PRKAG2: variants seen among roughly 807,000 people sequenced by gnomAD.
PRKAG2 encodes the protein 5'-AMP-activated protein kinase subunit gamma-2.
Under a neutral mutation model 69.6 loss-of-function variants are expected in PRKAG2, and 26 were observed. The observed-to-expected ratio is 0.37, with a 90% CI of 0.27 to 0.52. The LOEUF (loss-of-function observed/expected upper bound fraction) is 0.52. PRKAG2 is among the 20% of genes least tolerant of loss of function. PRKAG2 has a pLI of 0.90. For synonymous variants in PRKAG2, 293 were observed against 285.0 expected (o/e 1.03, Z -0.28); for missense variants, 557 against 740.0 (o/e 0.75, Z 2.87).
intron 1 of PRKAG2, among the ~76,000 whole-genome samples, chr7:151,823,038 C>CACCCT (rs2078826963): frequency 6.6e-6 from 1 of 151,350 alleles, no homozygotes; most frequent in Non-Finnish European, 1.5e-5. Context: ...CACCCCACCC[C>CACCCT]ACCCCACAGC....
chr7:151,595,749 A>G (rs1814333188), intron 5 of PRKAG2, among the ~76,000 whole-genome samples: 1 of 152,260 alleles, frequency 6.6e-6, no homozygotes, highest in South Asian at 2.1e-4. Flanking sequence ...AGGAAATACC[A>G]AAGAATCTAG....
At chr7:151,602,243 T>C (rs1334433583) in intron 5 of PRKAG2, among the ~76,000 whole-genome samples, 2 of 152,216 alleles carry the variant, frequency 1.3e-5, no homozygotes, top group African/African-American at 4.8e-5. Context: ...CTGCCAAATC[T>C]AACATCCTAA....
intron 5 of PRKAG2, among the ~76,000 whole-genome samples, chr7:151,600,651 C>T (rs1185668811): frequency 6.6e-6 from 1 of 152,220 alleles, no homozygotes. Context: ...TTCTCCGCAG[C>T]CTTATTTCCC....
intron 1 of PRKAG2, among the ~76,000 whole-genome samples, chr7:151,865,786 A>G (rs192760025): frequency 0.025 from 3,792 of 152,284 alleles, 63 homozygotes; most frequent in African/African-American, 0.031. Context: ...TTGGGAGGCC[A>G]AGGCGGGCGG....
At chr7:151,627,833 T>C (rs1823380085) in intron 5 of PRKAG2, among the ~76,000 whole-genome samples, 1 of 152,148 alleles carries the variant, frequency 6.6e-6, no homozygotes, top group Non-Finnish European at 1.5e-5. Context: ...TAGCTAATTT[T>C]TAAAATTTTT....
intron 6 of PRKAG2, among the ~76,000 whole-genome samples, chr7:151,579,560 CG>C (rs1446115812): frequency 1.3e-5 from 2 of 152,056 alleles, no homozygotes; most frequent in African/African-American, 2.4e-5. Context: ...TGCATCAACA[CG>C]GGGTGGATTC....
rs1327288387 is a variant in PRKAG2 at position 151,614,364 on chromosome 7, C to T, written c.754+17705G>A. ...AGGCCATGGGGTCGGTTACGTTGGG[C>T]GCTTGGCATGTGCTCTGTACTACTT... is the stretch of plus-strand genomic sequence containing the variant. On this transcript the variant is annotated intron_variant, in intron 5 of 15. Transcript: ENST00000287878. The surrounding 1 kb of genome is among the most constrained non-coding windows in gnomAD (Gnocchi z 4.4). 1.3e-5 allele frequency among the ~76,000 whole-genome samples: 2 copies of T among 152,062 alleles called. No individual in the cohort carries two copies. The highest frequency in any genetic ancestry group is 1.9e-4 in the East Asian group (1 of 5,156).
rs1014730644 is a variant in PRKAG2, at chr7:151,876,733, C to T, written c.-113G>A. On this transcript the variant is annotated 5_prime_UTR_variant, in exon 1 of 16. Transcript: ENST00000287878. Reference sequence around the variant, plus strand: ...CGCGCGCTCTGTTACACCCTGAAGCCACCTCGTGGGGACTTCCGCGGAGAG... The same window carrying T: ...CGCGCGCTCTGTTACACCCTGAAGCTACCTCGTGGGGACTTCCGCGGAGAG... 3.8e-6 allele frequency: 4 copies of T among 1,043,460 alleles called. No individual in the cohort carries two copies. The African/African-American group carries it at 6.3e-5, about 16-fold the overall frequency. The allele number at this position is 1,043,460 out of a possible 1,614,324, so 64.6% of individuals were successfully genotyped here. A position where few individuals can be genotyped will look rare whatever the true frequency, so the allele number is the denominator to read the frequency against.
At chr7:151,591,304 T>G (rs6949110) in intron 6 of PRKAG2, among the ~76,000 whole-genome samples, 28,928 of 152,136 alleles carry the variant, frequency 0.19, 3,323 homozygotes, top group African/African-American at 0.32. Flanking sequence ...GTCTCAAGGC[T>G]GCGGCACCCC....
At chr7:151,636,830 G>A (rs1386599285) in intron 4 of PRKAG2, among the ~76,000 whole-genome samples, 3 of 151,996 alleles carry the variant, frequency 2.0e-5, no homozygotes, top group Non-Finnish European at 4.4e-5. Context: ...TCAGCCTCCC[G>A]AGTAGCTGGG....
chr7:151,558,430 G>A (rs964480115), intron 15 of PRKAG2: 5 of 985,236 alleles, frequency 5.1e-6, no homozygotes, highest in Non-Finnish European at 6.0e-6. Flanking sequence ...TAGCAACATA[G>A]GAGGGAGACG....
rs199863116 is a variant in PRKAG2, at chr7:151,565,795, C to T, written c.1324G>A (p.Asp442Asn). 3.1e-6 allele frequency: 5 copies of T among 1,612,330 alleles called. No individual in the cohort carries two copies. Among genetic ancestry groups the T allele is most frequent in the Non-Finnish European group, 4.2e-6 (5 of 1,178,468 alleles). The change falls in exon 12 of 16, where the codon GAC becomes AAC. Residue 442 changes from aspartate (D) to asparagine (N), a missense_variant. Transcript: ENST00000287878. ...TYHNIAFIHPDTPIIKALNIF... is the reference protein window; with the variant it reads ...TYHNIAFIHPNTPIIKALNIF... The stretch of plus-strand genomic sequence containing the variant: ...TTCAAGGCTTTGATGATGGGAGTGT[C>T]TGGATGTATGAAGGCAATGTTGTGG...
chr7:151,573,703 T>C (rs1025191849), intron 8 of PRKAG2, among the ~76,000 whole-genome samples: 3 of 152,232 alleles, frequency 2.0e-5, no homozygotes, highest in Non-Finnish European at 2.9e-5. Context: ...ATTGGTAATA[T>C]TGAAGAAATA....
chr7:151,710,119 A>G (rs1313757286), intron 3 of PRKAG2, among the ~76,000 whole-genome samples: 1 of 152,160 alleles, frequency 6.6e-6, no homozygotes, highest in African/African-American at 2.4e-5. Flanking sequence ...ACCTCAGCAG[A>G]AGGGCCGGCC....
chr7:151,658,680 T>G (rs1343959394), intron 4 of PRKAG2, among the ~76,000 whole-genome samples: 1 of 152,170 alleles, frequency 6.6e-6, no homozygotes, highest in Non-Finnish European at 1.5e-5. Context: ...AAAAATAGGC[T>G]TATCCCAAGC....
intron 1 of PRKAG2, among the ~76,000 whole-genome samples, chr7:151,830,867 G>A (rs2079010644): frequency 1.3e-5 from 2 of 151,784 alleles, no homozygotes; most frequent in Admixed American, 1.3e-4. Flanking sequence ...TCTCTCACCT[G>A]GAGTGACTTC....
intron 3 of PRKAG2, among the ~76,000 whole-genome samples, chr7:151,698,973 TC>T (rs1837201205): frequency 6.6e-6 from 1 of 152,128 alleles, no homozygotes; most frequent in South Asian, 2.1e-4. Context: ...TGCAAGAAGG[TC>T]CTGAAATCAG....
At chr7:151,726,851 T>C (rs148516222) in intron 3 of PRKAG2, among the ~76,000 whole-genome samples, 52 of 152,270 alleles carry the variant, frequency 3.4e-4, no homozygotes, top group African/African-American at 1.1e-3. Context: ...CTTCTCCATA[T>C]GCTTACACTT....
At chr7:151,666,006 T>G (rs1830998817) in intron 4 of PRKAG2, among the ~76,000 whole-genome samples, 1 of 152,204 alleles carries the variant, frequency 6.6e-6, no homozygotes, top group Non-Finnish European at 1.5e-5. Context: ...AGACAGTCCA[T>G]TTTTAAAAAC....
Sources: allele counts gnomAD v4.1 joint callset (sites outside exome capture counted in the v4.1 genomes callset), GRCh38; gene constraint gnomAD v4.1.1; non-coding constraint Gnocchi (gnomAD v3.1); transcripts MANE v1.5; gene names NCBI Gene and HGNC (gene_info 2026-07-23, HGNC 2026-07-21).